BCAS3: variants seen among roughly 807,000 people sequenced by gnomAD.
BCAS3 encodes the protein BCAS4/BCAS3 fusion.
In BCAS3, 53 loss-of-function variants were observed where a neutral mutation model predicts 116.1. That is an observed-to-expected ratio of 0.46 (90% confidence interval 0.37 to 0.57). The LOEUF (loss-of-function observed/expected upper bound fraction) is 0.57, where lower values mean the gene tolerates loss of function less well. Ranked by LOEUF, BCAS3 falls within the 20% of genes least tolerant of loss-of-function variation. BCAS3 has a pLI of 0.00. For missense variants in BCAS3, 917 were observed against 1,165.4 expected (o/e 0.79, Z 3.10); for synonymous variants, 391 against 408.2 (o/e 0.96, Z 0.51).
intron 19 of BCAS3, among the ~76,000 whole-genome samples, chr17:61,058,172 A>G (rs2069584440): frequency 6.6e-6 from 1 of 152,126 alleles, no homozygotes; most frequent in African/African-American, 2.4e-5. Flanking sequence ...TAACCGAGGC[A>G]TAAGGTTGGT....
In BCAS3 at chr17:61,161,918, C is replaced by A. The variant is rs916296851; in HGVS notation, c.2425+77354C>A. On this transcript the variant is annotated intron_variant, in intron 22 of 23. Transcript: ENST00000407086. The surrounding 1 kb of genome is among the most constrained non-coding windows in gnomAD (Gnocchi z 4.8). ...CGGATTTGCTGCGATGGTCAGAATTCAATTATATTACTCTCTCTGAGGCAA... is the reference window on the plus strand; with the variant it reads ...CGGATTTGCTGCGATGGTCAGAATTAAATTATATTACTCTCTCTGAGGCAA... Among the ~76,000 whole-genome samples, 1 of 152,170 alleles carries A rather than the reference C, an allele frequency of 6.6e-6. No homozygotes were observed. Among genetic ancestry groups the A allele is most frequent in the Admixed American group, 6.5e-5 (1 of 15,282 alleles).
In BCAS3 at chr17:61,235,991, A is replaced by G. The variant is rs140348803; in HGVS notation, c.2426-132336A>G. 7.1e-3 allele frequency among the ~76,000 whole-genome samples: 1,085 copies of G among 152,356 alleles called. 7 individuals are homozygous for G. The highest frequency in any genetic ancestry group is 0.025 in the African/African-American group (1,027 of 41,584). Reference sequence around the variant, plus strand: ...GAATTTGGACTGCAGCAGTCGGACCAGTTAAATTATAGTTAGTAAAACTTG... The same window carrying G: ...GAATTTGGACTGCAGCAGTCGGACCGGTTAAATTATAGTTAGTAAAACTTG... On this transcript the variant is annotated intron_variant, in intron 22 of 23. Transcript: ENST00000407086. This position sits in a 1 kb window ranked among gnomAD's most constrained non-coding sequence, Gnocchi z 5.0.
At chr17:60,694,684 G>C (rs182727128) in intron 4 of BCAS3, among the ~76,000 whole-genome samples, 1 of 149,432 alleles carries the variant, frequency 6.7e-6, no homozygotes, top group African/African-American at 2.5e-5. Context: ...AGGTGTTGCT[G>C]TGTTGCCCAG....
At chr17:61,374,024 C>T (rs2059203051) in intron 23 of BCAS3, among the ~76,000 whole-genome samples, 2 of 151,286 alleles carry the variant, frequency 1.3e-5, no homozygotes, top group African/African-American at 4.9e-5. Context: ...CCATGTTAGC[C>T]AGGCTGGTCT....
At chr17:60,683,227 G>A (rs894771113) in intron 2 of BCAS3, among the ~76,000 whole-genome samples, 2 of 152,086 alleles carry the variant, frequency 1.3e-5, no homozygotes, top group African/African-American at 4.8e-5. Flanking sequence ...CCAATTTAAG[G>A]AGAAGGTCAC....
Position 60,951,103 on chromosome 17 carries a change from T to G in BCAS3, c.1221+3751T>G, listed in dbSNP as rs368158156. On this transcript the variant is annotated intron_variant, in intron 14 of 23. Transcript: ENST00000407086. The stretch of plus-strand genomic sequence containing the variant: ...CATTGCTGTGGTATGGCAAAGCTAT[T>G]GATAATTTTGTATTGAATTTGTGTA... Among the ~76,000 whole-genome samples the G allele has an allele frequency of 7.4e-5, 11 of 149,158 alleles. 1 individual carries two copies. Among genetic ancestry groups the G allele is most frequent in the Admixed American group, 7.3e-4 (11 of 15,024 alleles).
intron 22 of BCAS3, among the ~76,000 whole-genome samples, chr17:61,312,967 T>C (rs1044967731): frequency 2.0e-5 from 3 of 152,206 alleles, no homozygotes; most frequent in Non-Finnish European, 4.4e-5. Flanking sequence ...GAAATGTGTC[T>C]CCAAGCACTG....
chr17:61,045,501 A>G (rs1168665887), intron 19 of BCAS3, among the ~76,000 whole-genome samples: 4 of 144,674 alleles, frequency 2.8e-5, no homozygotes, highest in Non-Finnish European at 4.5e-5. Context: ...ACAGAGCAAG[A>G]TTCTGTCTCT....
intron 22 of BCAS3, among the ~76,000 whole-genome samples, chr17:61,202,580 G>A (rs1375613273): frequency 6.6e-6 from 1 of 151,772 alleles, no homozygotes; most frequent in Non-Finnish European, 1.5e-5. Flanking sequence ...TAAAGGAGCT[G>A]TCTGGGCTAA....
At chr17:60,724,445 C>T (rs974070199) in intron 5 of BCAS3, among the ~76,000 whole-genome samples, 2 of 140,926 alleles carry the variant, frequency 1.4e-5, no homozygotes, top group Non-Finnish European at 3.0e-5. Context: ...AAAAAAAAGG[C>T]CGGATGCGGT....
At position 61,315,106 on chromosome 17, in the gene BCAS3, C is replaced by A. The variant is rs1166898923; in HGVS notation, c.2426-53221C>A. ...TCCACACGCCACACTGCTCAGCCTA[C>A]ACTCCCTTTTCTTTTTCTTTTTTTC... On this transcript the variant is annotated intron_variant, in intron 22 of 23. Transcript: ENST00000407086. The surrounding 1 kb of genome is among the most constrained non-coding windows in gnomAD (Gnocchi z 5.3). Among the ~76,000 whole-genome samples, 2 of 152,134 alleles carry A rather than the reference C, an allele frequency of 1.3e-5. No individual in the cohort carries two copies. The highest frequency in any genetic ancestry group is 4.8e-5 in the African/African-American group (2 of 41,418).
intron 6 of BCAS3, among the ~76,000 whole-genome samples, chr17:60,766,303 G>T (rs1258250391): frequency 6.6e-6 from 1 of 152,126 alleles, no homozygotes; most frequent in Non-Finnish European, 1.5e-5. Flanking sequence ...TTCTGCTCTG[G>T]TTTCTCCCCA....
chr17:60,714,389 C>T (rs142662125), intron 5 of BCAS3, among the ~76,000 whole-genome samples: 26 of 152,066 alleles, frequency 1.7e-4, no homozygotes, highest in African/African-American at 5.8e-4. Flanking sequence ...TATAACTGTC[C>T]CGCGGTGGCT....
intron 13 of BCAS3, among the ~76,000 whole-genome samples, chr17:60,932,584 T>C (rs1330681302): frequency 1.3e-5 from 2 of 150,202 alleles, no homozygotes; most frequent in Admixed American, 1.3e-4. Flanking sequence ...TACTAAAAAA[T>C]ACAAAAAATT....
At position 61,032,501 on chromosome 17, in the gene BCAS3, G is replaced by A. The variant is rs1757969901; in HGVS notation, c.1638-2165G>A. ...AGAGGAATTTGTCAGTTCAATGATA[G>A]CAGTTTAGTGATGGAAATAAAAGCT... On this transcript the variant is annotated intron_variant, in intron 16 of 23. Coordinates refer to ENST00000407086, the MANE Select transcript of BCAS3 (RefSeq NM_017679.5). This position sits in a 1 kb window ranked among gnomAD's most constrained non-coding sequence, Gnocchi z 4.6. Among the ~76,000 whole-genome samples, 1 of 152,150 alleles carries A rather than the reference G, an allele frequency of 6.6e-6. No homozygotes were observed. The highest frequency in any genetic ancestry group is 1.5e-5 in the Non-Finnish European group (1 of 67,998).
chr17:61,187,845 G>A (rs148279537), intron 22 of BCAS3, among the ~76,000 whole-genome samples: 463 of 150,950 alleles, frequency 3.1e-3, no homozygotes, highest in African/African-American at 0.01. Flanking sequence ...TCTTTCTTTC[G>A]TTTTAACAGA....
chr17:61,361,765 A>G lies in BCAS3; in HGVS notation c.2426-6562A>G, dbSNP rs1227027790. 1 of 152,206 alleles carries G rather than the reference A, an allele frequency of 6.6e-6. No homozygotes were observed. The highest frequency in any genetic ancestry group is 1.5e-5 in the Non-Finnish European group (1 of 68,056). 9.4% of individuals were successfully genotyped at this position (152,206 alleles called of 1,614,324 possible). A position where few individuals can be genotyped will look rare whatever the true frequency, so the allele number is the denominator to read the frequency against. ...GTGAAGAACCAAGAAGGCTGGTGGT[A>G]TATAACCAGGGGAGCTGATGGTGTA... On this transcript the variant is annotated intron_variant, in intron 22 of 23. Coordinates refer to ENST00000407086, the MANE Select transcript of BCAS3 (RefSeq NM_017679.5). This position sits in a 1 kb window ranked among gnomAD's most constrained non-coding sequence, Gnocchi z 6.5.
chr17:61,073,824 G>C lies in BCAS3; in HGVS notation c.2030-1096G>C, dbSNP rs562322922. Among the ~76,000 whole-genome samples the C allele has an allele frequency of 6.6e-6, 1 of 151,862 alleles. No homozygotes were observed. The highest frequency in any genetic ancestry group is 2.1e-4 in the South Asian group (1 of 4,818). On this transcript the variant is annotated intron_variant, in intron 19 of 23. Coordinates refer to ENST00000407086, the MANE Select transcript of BCAS3 (RefSeq NM_017679.5). This position sits in a 1 kb window ranked among gnomAD's most constrained non-coding sequence, Gnocchi z 4.6. ...GCTTGATTTCTCTGAGTATTAAAAT[G>C]GTAGGCCAGGCGTGGTGGTTCATGC...
chr17:61,138,123 G>A (rs537793503), intron 22 of BCAS3, among the ~76,000 whole-genome samples: 9 of 152,304 alleles, frequency 5.9e-5, no homozygotes, highest in South Asian at 2.1e-4. Context: ...GAAATGTGGC[G>A]TATCTGTGCT....
Sources: allele counts gnomAD v4.1 joint callset (sites outside exome capture counted in the v4.1 genomes callset), GRCh38; gene constraint gnomAD v4.1.1; non-coding constraint Gnocchi (gnomAD v3.1); transcripts MANE v1.5; gene names NCBI Gene and HGNC (gene_info 2026-07-23, HGNC 2026-07-21).